The following SPATA16 variants were observed in gnomAD, a reference collection of about 807,000 sequenced individuals.
SPATA16 encodes spermatogenesis-associated protein 16.
SPATA16 carries 36 observed loss-of-function variants against 63.3 expected under a neutral mutation model. The ratio of observed to expected loss-of-function variants is 0.57; its 90% CI spans 0.44 to 0.75. SPATA16 has a LOEUF of 0.75. SPATA16 is among the 30% of genes least tolerant of loss of function. The pLI is 0.00. For synonymous variants in SPATA16, 203 were observed against 216.7 expected (o/e 0.94, Z 0.56); for missense variants, 646 against 679.3 (o/e 0.95, Z 0.54).
chr3:173,037,953 TA>T (rs903805110), intron 3 of SPATA16, among the ~76,000 whole-genome samples: 2 of 152,232 alleles, frequency 1.3e-5, no homozygotes, highest in African/African-American at 2.4e-5. Flanking sequence ...TGGAATATCC[TA>T]AAAAATATCC....
chr3:172,917,493 C>T (rs1732521841), intron 8 of SPATA16, among the ~76,000 whole-genome samples: 1 of 152,164 alleles, frequency 6.6e-6, no homozygotes, highest in Non-Finnish European at 1.5e-5. Context: ...GCCCCCTGGA[C>T]TGCCTACACC....
intron 10 of SPATA16, among the ~76,000 whole-genome samples, chr3:172,911,194 T>G (rs1262910542): frequency 6.6e-6 from 1 of 152,208 alleles, no homozygotes; most frequent in Non-Finnish European, 1.5e-5. Context: ...GCAGCCAAAT[T>G]TAGTTTTTCC....
intron 2 of SPATA16, among the ~76,000 whole-genome samples, chr3:173,072,340 A>G (rs1255204342): frequency 2.0e-5 from 3 of 152,192 alleles, no homozygotes; most frequent in Non-Finnish European, 4.4e-5. Flanking sequence ...GCCTGTTCCC[A>G]CTAATAAGTG....
chr3:173,048,523 T>C (rs1736007213), intron 3 of SPATA16, among the ~76,000 whole-genome samples: 1 of 152,118 alleles, frequency 6.6e-6, no homozygotes, highest in South Asian at 2.1e-4. Context: ...AAGGATCCTT[T>C]GAATCAGCTA....
intron 2 of SPATA16, among the ~76,000 whole-genome samples, chr3:173,066,941 G>A (rs1031192913): frequency 3.3e-5 from 5 of 151,852 alleles, no homozygotes; most frequent in Admixed American, 6.6e-5. Context: ...AAGGAATTAA[G>A]AACTTCATTA....
At position 173,138,506 on chromosome 3, in the gene SPATA16, TATA is replaced by T. The variant is rs1413526921; in HGVS notation, c.-19+2594_-19+2596del. ...TTAATCTTCCTTAACTTTGATTCCA[TATA>T]ATAATGTTTATGTTTGAAAGGCACA... On this transcript the variant is annotated intron_variant, in intron 1 of 10. Transcript: ENST00000351008. Among the ~76,000 whole-genome samples, 3 of 152,218 alleles carry T rather than the reference TATA, an allele frequency of 2.0e-5. No individual in the cohort carries two copies. The East Asian group carries it at 5.8e-4, about 29-fold the overall frequency.
chr3:172,908,310 C>CTT (rs201314097), intron 10 of SPATA16, among the ~76,000 whole-genome samples: 1 of 152,264 alleles, frequency 6.6e-6, no homozygotes, highest in South Asian at 2.1e-4. Flanking sequence ...AAAAATTTAC[C>CTT]TTTTTTTAAA....
chr3:173,133,614 AAGG>A (rs1469948970), intron 1 of SPATA16, among the ~76,000 whole-genome samples: 2 of 152,282 alleles, frequency 1.3e-5, no homozygotes, highest in Admixed American at 1.3e-4. Context: ...ATAGGGAACT[AAGG>A]AGAAGACAGC....
At chr3:172,977,080 A>G (rs1051915553) in intron 4 of SPATA16, 28 bp from the exon 5 acceptor site, 1 of 1,580,992 alleles carries the variant, frequency 6.3e-7, no homozygotes, top group Non-Finnish European at 8.6e-7. Context: ...TTAAAAAAAA[A>G]ACAAAAACAA....
intron 8 of SPATA16, among the ~76,000 whole-genome samples, chr3:172,916,824 C>T (rs926044362): frequency 1.3e-5 from 2 of 152,076 alleles, no homozygotes; most frequent in African/African-American, 2.4e-5. Context: ...CTAGAAGGGG[C>T]GACTTTATCT....
chr3:173,001,221 G>A (rs1229018184), intron 4 of SPATA16, among the ~76,000 whole-genome samples: 1 of 150,546 alleles, frequency 6.6e-6, no homozygotes, highest in African/African-American at 2.5e-5. Context: ...CAGTCTTTTA[G>A]TGAGCCTGTG....
At chr3:173,098,945 T>TCAACCAAC (rs541883923) in intron 2 of SPATA16, among the ~76,000 whole-genome samples, 1 of 151,964 alleles carries the variant, frequency 6.6e-6, no homozygotes, top group Non-Finnish European at 1.5e-5. Flanking sequence ...TTGGCAAAAA[T>TCAACCAAC]CAACCAACCA....
At chr3:173,018,922 A>G (rs1735256406) in intron 4 of SPATA16, among the ~76,000 whole-genome samples, 1 of 152,216 alleles carries the variant, frequency 6.6e-6, no homozygotes, top group African/African-American at 2.4e-5. Flanking sequence ...TGAGTGTAGC[A>G]TTGAGGCTGT....
intron 3 of SPATA16, among the ~76,000 whole-genome samples, chr3:173,028,023 T>TTCCTTCCTTCC (rs1553794825): frequency 5.7e-4 from 21 of 36,656 alleles, no homozygotes; most frequent in Admixed American, 1.6e-3. Context: ...CCCTTCCTTC[T>TTCCTTCCTTCC]TTCCTTCCTT....
chr3:173,091,190 C>A (rs77035727), intron 2 of SPATA16, among the ~76,000 whole-genome samples: 4 of 152,164 alleles, frequency 2.6e-5, no homozygotes, highest in East Asian at 1.9e-4. Flanking sequence ...TTTCTTGTAA[C>A]CTTCTTTGTC....
intron 6 of SPATA16, among the ~76,000 whole-genome samples, chr3:172,926,479 T>C (rs367827893): frequency 1.3e-5 from 2 of 152,356 alleles, no homozygotes; most frequent in African/African-American, 4.8e-5. Context: ...GCTATTGTCC[T>C]CACTTTATGG....
chr3:172,903,422 A>G (rs150225766), intron 10 of SPATA16, among the ~76,000 whole-genome samples: 12 of 152,368 alleles, frequency 7.9e-5, no homozygotes, highest in East Asian at 3.9e-4. Flanking sequence ...TAAGTGGATC[A>G]GGCAGAGAAA....
intron 2 of SPATA16, among the ~76,000 whole-genome samples, chr3:173,057,062 A>G (rs1478295603): frequency 6.6e-6 from 1 of 150,378 alleles, no homozygotes; most frequent in Non-Finnish European, 1.5e-5. Flanking sequence ...CTTCGGTTAC[A>G]TCTCTGATTA....
chr3:172,915,356 T>C (rs1560065493), intron 9 of SPATA16, among the ~76,000 whole-genome samples: 3 of 152,164 alleles, frequency 2.0e-5, no homozygotes, highest in Admixed American at 6.5e-5. Flanking sequence ...ACATTATAAA[T>C]GTTGGCAGCT....
Sources: allele counts gnomAD v4.1 joint callset (sites outside exome capture counted in the v4.1 genomes callset), GRCh38; gene constraint gnomAD v4.1.1; transcripts MANE v1.5; gene names NCBI Gene and HGNC (gene_info 2026-07-23, HGNC 2026-07-21).